ANO2: variants seen among roughly 807,000 people sequenced by gnomAD.
ANO2 encodes anoctamin 2, also known as anoctamin-2.
In ANO2, 101 loss-of-function variants were observed where a neutral mutation model predicts 124.2. The ratio of observed to expected loss-of-function variants is 0.81; its 90% confidence interval spans 0.69 to 0.96. The LOEUF is 0.96. ANO2 is among the 40% of genes least tolerant of loss of function. ANO2 has a pLI of 0.00. For missense variants in ANO2, 1,293 were observed against 1,274.5 expected (o/e 1.01, Z -0.22); for synonymous variants, 486 against 482.5 (o/e 1.01, Z -0.09).
intron 7 of ANO2, among the ~76,000 whole-genome samples, chr12:5,821,574 C>T (rs1200853103): frequency 6.6e-6 from 1 of 152,210 alleles, no homozygotes; most frequent in East Asian, 1.9e-4. Context: ...TGTTTGGAGC[C>T]TCTGGCAAGT....
At chr12:5,784,374 C>A (rs896301008) in intron 10 of ANO2, among the ~76,000 whole-genome samples, 1 of 152,170 alleles carries the variant, frequency 6.6e-6, no homozygotes, top group African/African-American at 2.4e-5. Flanking sequence ...ACTATAAGCT[C>A]CTTGAGGGCC....
At chr12:5,583,625 C>A (rs1942894121) in intron 20 of ANO2, among the ~76,000 whole-genome samples, 1 of 117,712 alleles carries the variant, frequency 8.5e-6, no homozygotes, top group Admixed American at 1.2e-4. Context: ...TGCAATCCGG[C>A]CTGGGCTAAA....
intron 14 of ANO2, among the ~76,000 whole-genome samples, chr12:5,673,613 T>C (rs1948110996): frequency 6.6e-6 from 1 of 152,196 alleles, no homozygotes; most frequent in Non-Finnish European, 1.5e-5. Flanking sequence ...TAAACATTAG[T>C]TGAATCTGAA....
intron 14 of ANO2, among the ~76,000 whole-genome samples, chr12:5,682,509 A>C (rs1450221321): frequency 6.6e-6 from 1 of 152,052 alleles, no homozygotes; most frequent in Non-Finnish European, 1.5e-5. Flanking sequence ...TGCTTATGGC[A>C]GTCAAGGGTT....
chr12:5,613,476 A>T (rs1944646983), intron 17 of ANO2, among the ~76,000 whole-genome samples: 1 of 152,232 alleles, frequency 6.6e-6, no homozygotes, highest in East Asian at 1.9e-4. Context: ...AGCTTGTCTC[A>T]TTCCTCTTCT....
chr12:5,669,395 C>A (rs944078669), intron 14 of ANO2, among the ~76,000 whole-genome samples: 10 of 151,986 alleles, frequency 6.6e-5, no homozygotes, highest in African/African-American at 1.5e-4. Context: ...GATTGTGTAT[C>A]CTGAGACTTT....
chr12:5,853,597 A>C (rs1289396241), intron 4 of ANO2, among the ~76,000 whole-genome samples: 2 of 152,174 alleles, frequency 1.3e-5, no homozygotes, highest in South Asian at 2.1e-4. Context: ...CACAATATTT[A>C]GTGGCAGAAT....
At chr12:5,846,151 A>T (rs1238343530) in intron 4 of ANO2, among the ~76,000 whole-genome samples, 3 of 152,216 alleles carry the variant, frequency 2.0e-5, no homozygotes, top group Non-Finnish European at 4.4e-5. Flanking sequence ...TAAGCCAATT[A>T]CTGTATTTGG....
intron 10 of ANO2, among the ~76,000 whole-genome samples, chr12:5,774,286 G>A (rs536855125): frequency 4.6e-5 from 7 of 152,078 alleles, no homozygotes; most frequent in South Asian, 4.2e-4. Context: ...AAAACCCCAC[G>A]TCAACAACAA....
intron 22 of ANO2, 60 bp from the exon 23 acceptor site, chr12:5,576,075 C>T (rs1054053184): frequency 1.4e-6 from 2 of 1,464,270 alleles, no homozygotes; most frequent in Non-Finnish European, 1.8e-6. Flanking sequence ...GGACTGTCCA[C>T]TCTTAGGCTC....
At chr12:5,903,647 ATG>A (rs143239619) in intron 3 of ANO2, among the ~76,000 whole-genome samples, 2,728 of 148,484 alleles carry the variant, frequency 0.018, 24 homozygotes, top group Middle Eastern at 0.087. Flanking sequence ...ATGTGCAAAG[ATG>A]TGTGTGTGTG....
At chr12:5,679,897 T>C (rs1948419600) in intron 14 of ANO2, among the ~76,000 whole-genome samples, 1 of 152,100 alleles carries the variant, frequency 6.6e-6, no homozygotes, top group African/African-American at 2.4e-5. Context: ...TAAATGCCCA[T>C]CAATGATAGA....
chr12:5,890,397 CAGAATATGTCA>C, intron 3 of ANO2, among the ~76,000 whole-genome samples: 1 of 152,330 alleles, frequency 6.6e-6, no homozygotes, highest in Admixed American at 6.5e-5. Flanking sequence ...GTTCACATGT[CAGAATATGTCA>C]AGAGACTGCT....
intron 6 of ANO2, among the ~76,000 whole-genome samples, chr12:5,828,396 T>C (rs1378915083): frequency 6.6e-6 from 1 of 152,126 alleles, no homozygotes; most frequent in Non-Finnish European, 1.5e-5. Context: ...AATGGGGCCA[T>C]CTCGCCCACC....
chr12:5,917,610 C>T (rs1394795012), intron 3 of ANO2, among the ~76,000 whole-genome samples: 1 of 148,120 alleles, frequency 6.8e-6, no homozygotes, highest in Non-Finnish European at 1.5e-5. Context: ...CTCTGTCACC[C>T]AGGCTGGAGT....
At chr12:5,851,395 T>C (rs955875185) in intron 4 of ANO2, among the ~76,000 whole-genome samples, 1 of 152,098 alleles carries the variant, frequency 6.6e-6, no homozygotes, top group African/African-American at 2.4e-5. Context: ...ACAAGAGATG[T>C]AGAGGTGTCT....
At chr12:5,789,156 T>G (rs10849340) in intron 10 of ANO2, among the ~76,000 whole-genome samples, 29,044 of 151,822 alleles carry the variant, frequency 0.19, 3,272 homozygotes, top group Admixed American at 0.26. Context: ...AGAGATCTAC[T>G]CGAGGCACCA....
Position 5,765,251 on chromosome 12 carries a change from C to G in ANO2, c.1056-14281G>C, listed in dbSNP as rs146930873. Among the ~76,000 whole-genome samples the G allele has an allele frequency of 4.2e-3, 640 of 152,276 alleles. 3 individuals carry two copies. The highest frequency in any genetic ancestry group is 0.015 in the African/African-American group (624 of 41,556). On this transcript the variant is annotated intron_variant, in intron 10 of 24. Coordinates refer to ENST00000682330, the MANE Select transcript of ANO2 (RefSeq NM_001364791.2). ...ATGATTGAAGCCGACCAGGCATAAC[C>G]AACTGTACATAGCATCTCTCGATTG...
intron 16 of ANO2, among the ~76,000 whole-genome samples, chr12:5,621,235 A>AC (rs1945104274): frequency 6.6e-6 from 1 of 152,156 alleles, no homozygotes; most frequent in South Asian, 2.1e-4. Context: ...TTCCAGGCAG[A>AC]CCCCAGCTAT....
Sources: gnomAD v4.1 joint callset for allele counts (sites outside exome capture counted in the v4.1 genomes callset) on GRCh38, gnomAD v4.1.1 for gene constraint, MANE v1.5 for transcripts, NCBI Gene and HGNC (gene_info 2026-07-23, HGNC 2026-07-21) for gene names.